Variants in DPP10 observed in about 807,000 individuals in gnomAD.
DPP10 encodes the protein dipeptidyl peptidase like 10, also known as inactive dipeptidyl peptidase 10.
In DPP10, 33 loss-of-function variants were observed where a neutral mutation model predicts 120.9. The observed-to-expected ratio is 0.27, with a 90% CI of 0.21 to 0.37. The LOEUF (loss-of-function observed/expected upper bound fraction) is 0.37, where lower values mean the gene tolerates loss of function less well. Among genes scored for constraint, DPP10 ranks in the 10% least tolerant of loss-of-function variants. The probability of loss-of-function intolerance (pLI) is 1.00; values close to 1 mark genes in which losing one functional copy is unlikely to be tolerated. For missense variants in DPP10, 816 were observed against 942.8 expected (o/e 0.87, Z 1.76); for synonymous variants, 337 against 326.1 (o/e 1.03, Z -0.36).
At chr2:114,596,693 T>C (rs1691935198) in intron 1 of DPP10, among the ~76,000 whole-genome samples, 1 of 152,006 alleles carries the variant, frequency 6.6e-6, no homozygotes. Flanking sequence ...TCCTGCATAG[T>C]ATTGTTACTC....
At chr2:114,522,478 A>G (rs1360738088) in intron 1 of DPP10, among the ~76,000 whole-genome samples, 2 of 152,220 alleles carry the variant, frequency 1.3e-5, no homozygotes, top group Non-Finnish European at 1.5e-5. Flanking sequence ...TATTGAATCT[A>G]TATATACTTA....
chr2:114,887,178 T>A (rs1026523414), intron 1 of DPP10, among the ~76,000 whole-genome samples: 2 of 152,230 alleles, frequency 1.3e-5, no homozygotes, highest in African/African-American at 4.8e-5. Context: ...ATCCCAGTAA[T>A]GACTGATGCT....
chr2:115,549,529 T>G (rs1464306243), intron 5 of DPP10, among the ~76,000 whole-genome samples: 1 of 152,150 alleles, frequency 6.6e-6, no homozygotes, highest in Non-Finnish European at 1.5e-5. Context: ...TTACCACTCC[T>G]TTGGTTTATT....
chr2:115,806,823 A>AT (rs969441666), intron 19 of DPP10, among the ~76,000 whole-genome samples: 1 of 151,954 alleles, frequency 6.6e-6, no homozygotes, highest in Non-Finnish European at 1.5e-5. Context: ...ACTTTGTTCT[A>AT]TTTTTTATCT....
At chr2:114,750,487 C>T (rs2420446) in intron 1 of DPP10, among the ~76,000 whole-genome samples, 5,460 of 152,192 alleles carry the variant, frequency 0.036, 150 homozygotes, top group Non-Finnish European at 0.05. Flanking sequence ...GCGCCTGCCA[C>T]CACGCCCAGC....
intron 5 of DPP10, among the ~76,000 whole-genome samples, chr2:115,559,009 T>C (rs1308329869): frequency 6.6e-6 from 1 of 152,208 alleles, no homozygotes; most frequent in Non-Finnish European, 1.5e-5. Flanking sequence ...AAGTAGGGCA[T>C]TTCCCAGATA....
At chr2:115,744,939 A>G (rs1677760735) in intron 9 of DPP10, among the ~76,000 whole-genome samples, 1 of 150,574 alleles carries the variant, frequency 6.6e-6, no homozygotes, top group Non-Finnish European at 1.5e-5. Context: ...GGATAATGGC[A>G]TATTGTTTAG....
intron 1 of DPP10, among the ~76,000 whole-genome samples, chr2:115,148,198 A>G (rs2104880938): frequency 6.6e-6 from 1 of 152,282 alleles, no homozygotes; most frequent in Non-Finnish European, 1.5e-5. Context: ...TTCTGCAATC[A>G]ATAAGAAAGA....
chr2:115,764,547 A>G (rs1487636287), intron 12 of DPP10, among the ~76,000 whole-genome samples: 3 of 152,250 alleles, frequency 2.0e-5, no homozygotes, highest in African/African-American at 7.2e-5. Flanking sequence ...TCCCTCCATT[A>G]TTAAACATCT....
chr2:114,552,922 C>T (rs1267252660), intron 1 of DPP10, among the ~76,000 whole-genome samples: 2 of 152,108 alleles, frequency 1.3e-5, no homozygotes, highest in Non-Finnish European at 2.9e-5. Context: ...CACATCAGCA[C>T]CCCAATTAAA....
chr2:115,128,522 A>C (rs938420423), intron 1 of DPP10, among the ~76,000 whole-genome samples: 1 of 152,210 alleles, frequency 6.6e-6, no homozygotes, highest in Non-Finnish European at 1.5e-5. Flanking sequence ...TGTGATATAA[A>C]AATTTCCATG....
At chr2:115,617,035 A>AG (rs2084556754) in intron 5 of DPP10, among the ~76,000 whole-genome samples, 1 of 145,520 alleles carries the variant, frequency 6.9e-6, no homozygotes, top group Non-Finnish European at 1.5e-5. Flanking sequence ...CCCATGTTAA[A>AG]TTTCATTATT....
At chr2:115,186,965 C>T (rs976451477) in intron 1 of DPP10, among the ~76,000 whole-genome samples, 4 of 147,432 alleles carry the variant, frequency 2.7e-5, no homozygotes, top group Admixed American at 6.7e-5. Flanking sequence ...AAATCATGGT[C>T]CACAATTCTG....
chr2:115,315,144 T>C (rs1451136208), intron 2 of DPP10, among the ~76,000 whole-genome samples: 1 of 151,872 alleles, frequency 6.6e-6, no homozygotes, highest in African/African-American at 2.4e-5. Flanking sequence ...CCCACAAATA[T>C]GATGTTGAGG....
chr2:115,372,168 G>T (rs1299299724), intron 3 of DPP10, among the ~76,000 whole-genome samples: 1 of 151,972 alleles, frequency 6.6e-6, no homozygotes, highest in African/African-American at 2.4e-5. Flanking sequence ...AAATGGAAGG[G>T]ATATAAGTCA....
At position 115,114,611 on chromosome 2, in the gene DPP10, A is replaced by C. The variant is rs1043468534; in HGVS notation, c.61-194628A>C. Among the ~76,000 whole-genome samples the C allele has an allele frequency of 3.9e-5, 6 of 152,340 alleles. No homozygotes were observed. In the East Asian group the frequency reaches 1.2e-3, roughly 29 times the overall value. On this transcript the variant is annotated intron_variant, in intron 1 of 25. Coordinates refer to ENST00000410059, the MANE Select transcript of DPP10 (RefSeq NM_020868.6). ...CATTCTGCTCAGGCTCCTGCATTCA[A>C]GTTCTAACTCCACTTACCTTTGTCT...
At chr2:114,663,668 T>G (rs6542219) in intron 1 of DPP10, among the ~76,000 whole-genome samples, 64,460 of 82,344 alleles carry the variant, frequency 0.78, 25,223 homozygotes, top group Middle Eastern at 0.9. Flanking sequence ...TATATATATA[T>G]AGAGAGAGAG....
chr2:114,877,297 C>A (rs1424863261), intron 1 of DPP10, among the ~76,000 whole-genome samples: 3 of 151,970 alleles, frequency 2.0e-5, no homozygotes, highest in African/African-American at 7.2e-5. Flanking sequence ...TTCCACTTTC[C>A]TTCAATATTA....
chr2:114,590,541 C>T (rs922460247), intron 1 of DPP10, among the ~76,000 whole-genome samples: 4 of 152,174 alleles, frequency 2.6e-5, no homozygotes, highest in African/African-American at 9.7e-5. Flanking sequence ...CAATCACTTT[C>T]TTAAGTCTAT....
Sources: gnomAD v4.1 joint callset for allele counts (sites outside exome capture counted in the v4.1 genomes callset) on GRCh38, gnomAD v4.1.1 for gene constraint, MANE v1.5 for transcripts, NCBI Gene and HGNC (gene_info 2026-07-23, HGNC 2026-07-21) for gene names.